The following UVSSA variants were observed in gnomAD, a reference collection of about 807,000 sequenced individuals.
UVSSA encodes the protein UV-stimulated scaffold protein A.
Under a neutral mutation model 73.9 loss-of-function variants are expected in UVSSA, and 72 were observed. The observed-to-expected ratio is 0.97, with a 90% CI of 0.81 to 1.19. The LOEUF (loss-of-function observed/expected upper bound fraction) is 1.19. UVSSA is among the 50% of genes most tolerant of loss of function. The probability of loss-of-function intolerance (pLI) is 0.00; values close to 1 mark genes in which losing one functional copy is unlikely to be tolerated. For missense variants in UVSSA, 1,150 were observed against 965.0 expected (o/e 1.19, Z -2.54); for synonymous variants, 454 against 391.3 (o/e 1.16, Z -1.89).
intron 11 of UVSSA, chr4:1,380,618 C>T (rs768070252): frequency 2.7e-6 from 4 of 1,506,952 alleles, no homozygotes; most frequent in Non-Finnish European, 3.6e-6. Flanking sequence ...TCGCTATGGC[C>T]ATGCTGGATG....
chr4:1,350,033 G>T (rs1465576078), intron 3 of UVSSA, among the ~76,000 whole-genome samples, 179 bp downstream of exon 3: 1 of 152,162 alleles, frequency 6.6e-6, no homozygotes, highest in East Asian at 1.9e-4. Flanking sequence ...CAGCATCTAG[G>T]GTCACGGCCT....
intron 5 of UVSSA, among the ~76,000 whole-genome samples, chr4:1,354,258 C>G (rs565811394): frequency 1.3e-5 from 2 of 151,982 alleles, no homozygotes; most frequent in African/African-American, 4.8e-5. Context: ...TGCCCTGCGC[C>G]GGACACTGAG....
chr4:1,381,028 TG>T, intron 12 of UVSSA, 40 bp downstream of exon 12: 1 of 1,575,962 alleles, frequency 6.3e-7, no homozygotes, highest in Non-Finnish European at 8.7e-7. Flanking sequence ...AGGCACAGCC[TG>T]GGACTCACTG....
chr4:1,352,630 A>G (rs1371148845), intron 4 of UVSSA, among the ~76,000 whole-genome samples: 1 of 152,226 alleles, frequency 6.6e-6, no homozygotes, highest in East Asian at 1.9e-4. Context: ...CCAGCTGCTG[A>G]GCTGGGTGCT....
exon 14 of UVSSA, chr4:1,394,398 G>A (rs763861519): frequency 1.7e-5 from 26 of 1,522,406 alleles, no homozygotes; most frequent in Non-Finnish European, 2.2e-5. Flanking sequence ...ACTTTTATGG[G>A]TTTCATTTTC....
At chr4:1,395,754 T>G in exon 14 of UVSSA, 1 of 1,614,150 alleles carries the variant, frequency 6.2e-7, no homozygotes, top group Non-Finnish European at 8.5e-7. Context: ...GCCGGCCGAG[T>G]CAGACGCTGT....
intron 10 of UVSSA, 115 bp from the exon 11 acceptor site, chr4:1,379,932 T>A: frequency 8.0e-7 from 1 of 1,251,890 alleles, no homozygotes; most frequent in South Asian, 1.4e-5. Flanking sequence ...CTGTCCACAG[T>A]GTTGGGGTGG....
chr4:1,375,350 C>A lies in UVSSA; in HGVS notation c.1289-14C>A. ...TGGGAGTGGTGGCAGGGAGTGGACA[C>A]GTGTCTGTTTCAGGGCTGGAGGCAG... is the stretch of plus-strand genomic sequence containing the variant. On this transcript the variant is annotated splice_polypyrimidine_tract_variant and intron_variant, in intron 8 of 13. Coordinates refer to ENST00000389851, the MANE Select transcript of UVSSA (RefSeq NM_020894.4). 3 of 1,612,304 alleles carry A rather than the reference C, an allele frequency of 1.9e-6. No individual in the cohort carries two copies. In the South Asian group the frequency reaches 3.3e-5, roughly 18 times the overall value.
chr4:1,395,376 G>T (rs778667962), exon 14 of UVSSA: 1 of 1,572,520 alleles, frequency 6.4e-7, no homozygotes, highest in South Asian at 1.1e-5. Context: ...GATGTGGAGT[G>T]CCCGCCTGCT....
chr4:1,364,669 G>A (rs1032973306), intron 7 of UVSSA, among the ~76,000 whole-genome samples: 1 of 152,120 alleles, frequency 6.6e-6, no homozygotes, highest in African/African-American at 2.4e-5. Context: ...TCTCTCCCGG[G>A]AAGTTTCCCT....
At chr4:1,367,136 A>G (rs1366570851) in intron 8 of UVSSA, among the ~76,000 whole-genome samples, 1 of 152,072 alleles carries the variant, frequency 6.6e-6, no homozygotes, top group Non-Finnish European at 1.5e-5. Flanking sequence ...GGCTCTTCTC[A>G]CTGTCAGGGA....
upstream of UVSSA, among the ~76,000 whole-genome samples, chr4:1,342,066 T>C (rs1033360033): frequency 3.9e-5 from 6 of 152,204 alleles, no homozygotes; most frequent in African/African-American, 1.4e-4. Flanking sequence ...CTTATGAACA[T>C]TTGTGTGCCA....
rs1430407872 is a variant in UVSSA, at chr4:1,380,137, C to T, written c.1659C>T (p.His553=). The change falls in exon 11 of 14, where the codon CAC becomes CAT. Residue 553 remains histidine (H), a synonymous_variant. Coordinates refer to ENST00000389851, the MANE Select transcript of UVSSA (RefSeq NM_020894.4). Reference sequence around the variant, plus strand: ...TCTCCGAGATGCTCCGGAGCCGCCACATCACTTTTGCCGGGAAGTTTGAGC... The same window carrying T: ...TCTCCGAGATGCTCCGGAGCCGCCATATCACTTTTGCCGGGAAGTTTGAGC... ...ADISEMLRSR[H]ITFAGKFEPV... The T allele has an allele frequency of 6.2e-7, 1 of 1,613,304 alleles. No individual in the cohort carries two copies. The highest frequency in any genetic ancestry group is 8.5e-7 in the Non-Finnish European group (1 of 1,180,008).
At chr4:1,381,504 G>C (rs1719498165) in intron 12 of UVSSA, among the ~76,000 whole-genome samples, 1 of 152,144 alleles carries the variant, frequency 6.6e-6, no homozygotes. Flanking sequence ...GGCCACTGTG[G>C]GGCAGCACTG....
rs1458640362 is a variant in UVSSA, at chr4:1,376,062, G to A, written c.1462G>A (p.Glu488Lys). ...SPSRALPEPQ[E>K]AQKLAAERAR... ...CTCCAGAGCGTTGCCAGAGCCACAG[G>A]AGGCCCAGAAGCTGGCAGCAGAGCG... Residue 488 changes from glutamate to lysine, a missense_variant, in exon 10 of 14, where the codon GAG becomes AAG. Physicochemically the swap from Glu to Lys is moderately conservative, Grantham distance 56. Coordinates refer to ENST00000389851, the MANE Select transcript of UVSSA (RefSeq NM_020894.4). 6.2e-7 allele frequency: 1 copy of A among 1,600,580 alleles called. No homozygotes were observed. Among genetic ancestry groups the A allele is most frequent in the Non-Finnish European group, 8.5e-7 (1 of 1,174,482 alleles).
In UVSSA at chr4:1,383,862, G is replaced by A. The variant is rs1719792345; in HGVS notation, c.1958G>A (p.Arg653Lys). The change falls in exon 13 of 14, where the codon AGG (arginine) becomes AAG (lysine). Residue 653 changes from arginine to lysine, a missense_variant. Coordinates refer to ENST00000389851, the MANE Select transcript of UVSSA (RefSeq NM_020894.4). Reference sequence around the variant, plus strand: ...AGCGGGAAAGGCAGGGGGAAGAAGAGGAGGTACCCCAGCCTCACCAACCTG... The same window carrying A: ...AGCGGGAAAGGCAGGGGGAAGAAGAAGAGGTACCCCAGCCTCACCAACCTG... Reference protein sequence around the residue: ...RYSGKGRGKKRRYPSLTNLKA... With the variant: ...RYSGKGRGKKKRYPSLTNLKA... 6.2e-7 allele frequency: 1 copy of A among 1,613,484 alleles called. No individual in the cohort carries two copies. Among genetic ancestry groups the A allele is most frequent in the Non-Finnish European group, 8.5e-7 (1 of 1,179,884 alleles).
At chr4:1,342,266 G>A (rs1045468396), upstream of UVSSA, among the ~76,000 whole-genome samples, 2 of 152,190 alleles carry the variant, frequency 1.3e-5, no homozygotes, top group African/African-American at 4.8e-5. Flanking sequence ...TCAACACTTG[G>A]TAGTGTCAGG....
At chr4:1,395,905 C>G (rs1378117291) in exon 14 of UVSSA, 9 of 1,584,930 alleles carry the variant, frequency 5.7e-6, no homozygotes, top group Middle Eastern at 1.7e-4. Context: ...AAATTGAATT[C>G]AGGACTGATT....
intron 7 of UVSSA, 41 bp downstream of exon 7, chr4:1,355,286 C>G: frequency 6.4e-7 from 1 of 1,552,544 alleles, no homozygotes; most frequent in Non-Finnish European, 8.8e-7. Context: ...TCCCAGAGGC[C>G]TCAGTGGGGG....
Sources: allele counts gnomAD v4.1 joint callset (sites outside exome capture counted in the v4.1 genomes callset), GRCh38; gene constraint gnomAD v4.1.1; transcripts MANE v1.5; gene names NCBI Gene and HGNC (gene_info 2026-07-23, HGNC 2026-07-21).